SLC15A3: variants seen among roughly 807,000 people sequenced by gnomAD.
SLC15A3 encodes the protein osteoclast transporter.
A neutral mutation model predicts 49.2 loss-of-function variants in SLC15A3; 39 were observed. That is an observed-to-expected ratio of 0.79 (90% CI 0.61 to 1.04). The LOEUF (loss-of-function observed/expected upper bound fraction) is 1.04, where lower values mean the gene tolerates loss of function less well. SLC15A3 is among the 50% of genes least tolerant of loss of function. The pLI is 0.00. For synonymous variants in SLC15A3, 339 were observed against 367.0 expected, an observed-to-expected ratio of 0.92 and a Z score of 0.87; for missense variants, 758 against 794.8, an observed-to-expected ratio of 0.95 and a Z score of 0.56.
At chr11:60,941,738 G>A in intron 4 of SLC15A3, 2 of 386,878 alleles carry the variant, frequency 5.2e-6, no homozygotes, top group Non-Finnish European at 9.5e-6. Context: ...ACAAGGAAGA[G>A]TTGAAAAGGG....
intron 4 of SLC15A3, chr11:60,941,612 T>C (rs1208209809): frequency 2.9e-6 from 1 of 348,238 alleles, no homozygotes; most frequent in Admixed American, 4.5e-5. Flanking sequence ...ATTTCTCATA[T>C]ATCTGCCAGC....
rs372702081 is a variant in SLC15A3 at position 60,948,709 on chromosome 11, T to G, written c.559-1888A>C. ...TTTCTGCACTGTCCTAGGGATCAGGTCCCGACTTCATGAGGCCTTGTGGCC... is the reference window on the plus strand; with the variant it reads ...TTTCTGCACTGTCCTAGGGATCAGGGCCCGACTTCATGAGGCCTTGTGGCC... On this transcript the variant is annotated intron_variant, in intron 1 of 7. Coordinates refer to ENST00000227880, the MANE Select transcript of SLC15A3 (RefSeq NM_016582.3). 4.0e-4 allele frequency among the ~76,000 whole-genome samples: 61 copies of G among 152,360 alleles called. 1 individual carries two copies. The South Asian group carries it at 0.011, about 27-fold the overall frequency.
Position 60,951,088 on chromosome 11 carries a change from G to A in SLC15A3, c.464C>T (p.Pro155Leu), listed in dbSNP as rs1467508706. The change falls in exon 1 of 8, where the codon CCC becomes CTC. Residue 155 changes from proline to leucine, a missense_variant. Pro to Leu is a moderately conservative substitution (Grantham distance 98). Coordinates refer to ENST00000227880, the MANE Select transcript of SLC15A3 (RefSeq NM_016582.3). ...SAGCPRSSPS[P>L]YCAPVLYAGL... is the part of the protein sequence containing the mutation. Reference sequence around the variant, plus strand: ...CGCGTAGAGGACGGGCGCGCAGTAGGGGCTGGGCGAGGAGCGCGGGCAGCC... The same window carrying A: ...CGCGTAGAGGACGGGCGCGCAGTAGAGGCTGGGCGAGGAGCGCGGGCAGCC... 1.4e-6 allele frequency: 2 copies of A among 1,481,086 alleles called. No individual in the cohort carries two copies. Among genetic ancestry groups the A allele is most frequent in the Non-Finnish European group, 1.8e-6 (2 of 1,125,524 alleles). 91.7% of individuals were successfully genotyped at this position (1,481,086 alleles called of 1,614,324 possible). A position where few individuals can be genotyped will look rare whatever the true frequency, so the allele number is the denominator to read the frequency against.
intron 7 of SLC15A3, 175 bp from the exon 8 acceptor site, chr11:60,937,548 G>T: frequency 1.2e-6 from 1 of 841,844 alleles, no homozygotes; most frequent in Non-Finnish European, 1.9e-6. Context: ...CTCCAGGGGT[G>T]TCTACAATTC....
At chr11:60,939,784 G>A (rs574399210) in intron 5 of SLC15A3, 146 bp from the exon 6 acceptor site, 9 of 916,374 alleles carry the variant, frequency 9.8e-6, no homozygotes, top group Non-Finnish European at 1.1e-5. Flanking sequence ...GGACTGGGGG[G>A]TGGAGGAGGG....
intron 1 of SLC15A3, among the ~76,000 whole-genome samples, chr11:60,948,464 T>C (rs570103484): frequency 6.6e-6 from 1 of 152,200 alleles, no homozygotes; most frequent in Non-Finnish European, 1.5e-5. Flanking sequence ...AGCAAGTATG[T>C]GAAACACGCA....
rs760235081 is a variant in SLC15A3 at position 60,950,972 on chromosome 11, GGGCAGGCCTCCTGCCACTCACCTGGTC to G, written c.553_558+21del. The G allele has an allele frequency of 2.1e-6, 3 of 1,416,662 alleles. No homozygotes were observed. The highest frequency in any genetic ancestry group is 2.7e-6 in the Non-Finnish European group (3 of 1,092,098). 87.8% of individuals were successfully genotyped at this position (1,416,662 alleles called of 1,614,324 possible). Reference sequence around the variant, plus strand: ...CCTCCACACCCGCCGGAGTATGCCGGGGCAGGCCTCCTGCCACTCACCTGGTCGGCACCGAAGGAGGTGAGGTTGCTC... The same window carrying G: ...CCTCCACACCCGCCGGAGTATGCCGGGGCACCGAAGGAGGTGAGGTTGCTC... On this transcript the variant is annotated splice_donor_variant and splice_donor_5th_base_variant and coding_sequence_variant and intron_variant, in exon 1 of 8. Coordinates refer to ENST00000227880, the MANE Select transcript of SLC15A3 (RefSeq NM_016582.3). LOFTEE classifies it high-confidence loss of function.
At chr11:60,949,548 G>GAAAGAAAGAA (rs1554986468) in intron 1 of SLC15A3, among the ~76,000 whole-genome samples, 55 of 78,480 alleles carry the variant, frequency 7.0e-4, no homozygotes, top group African/African-American at 1.5e-3. Flanking sequence ...AAGAAAGAAA[G>GAAAGAAAGAA]AAAGAAAGAA....
chr11:60,946,055 C>T (rs1229107794), intron 2 of SLC15A3, among the ~76,000 whole-genome samples: 4 of 151,886 alleles, frequency 2.6e-5, no homozygotes, highest in Non-Finnish European at 4.4e-5. Context: ...TGCAGTGGCA[C>T]CATCATGGCT....
chr11:60,944,643 T>C (rs1000073951), intron 2 of SLC15A3, among the ~76,000 whole-genome samples: 1 of 152,116 alleles, frequency 6.6e-6, no homozygotes, highest in South Asian at 2.1e-4. Flanking sequence ...GGAGTCCCAG[T>C]CCAAGCCTGA....
intron 1 of SLC15A3, among the ~76,000 whole-genome samples, chr11:60,949,474 G>T (rs1346137788): frequency 7.4e-6 from 1 of 134,942 alleles, no homozygotes; most frequent in Non-Finnish European, 1.5e-5. Flanking sequence ...GAGAGAGAAA[G>T]AGAAAGAAAG....
intron 6 of SLC15A3, 104 bp downstream of exon 6, chr11:60,939,376 T>C: frequency 2.2e-6 from 3 of 1,376,978 alleles, no homozygotes; most frequent in Non-Finnish European, 3.0e-6. Context: ...CCTTCCTCCA[T>C]GCAGATGGGC....
intron 1 of SLC15A3, among the ~76,000 whole-genome samples, chr11:60,950,503 A>G (rs1856894468): frequency 6.6e-6 from 1 of 152,036 alleles, no homozygotes; most frequent in Non-Finnish European, 1.5e-5. Flanking sequence ...AAAAAGACCA[A>G]CCTGCCTGGC....
Position 60,948,476 on chromosome 11 carries a change from C to A in SLC15A3, c.559-1655G>T, listed in dbSNP as rs567889193. 2.0e-5 allele frequency among the ~76,000 whole-genome samples: 3 copies of A among 152,322 alleles called. No individual in the cohort carries two copies. The South Asian group carries it at 6.2e-4, about 32-fold the overall frequency. The stretch of plus-strand genomic sequence containing the variant: ...ATCAGCAAGTATGTGAAACACGCAG[C>A]TCCTGGGGTATAGCTGTTGCCAGAT... On this transcript the variant is annotated intron_variant, in intron 1 of 7. Transcript: ENST00000227880.
chr11:60,949,989 A>G (rs917353807), intron 1 of SLC15A3, among the ~76,000 whole-genome samples: 1 of 152,242 alleles, frequency 6.6e-6, no homozygotes, highest in Non-Finnish European at 1.5e-5. Context: ...GGGAACAGCT[A>G]TCAAAATATA....
chr11:60,944,393 A>G (rs1040067286), intron 2 of SLC15A3, among the ~76,000 whole-genome samples: 3 of 152,176 alleles, frequency 2.0e-5, no homozygotes, highest in Admixed American at 6.5e-5. Flanking sequence ...GACTGCTGTC[A>G]GCAAAATCGT....
intron 2 of SLC15A3, among the ~76,000 whole-genome samples, chr11:60,944,694 TC>T (rs569054468): frequency 3.3e-5 from 5 of 150,172 alleles, no homozygotes; most frequent in African/African-American, 7.4e-5. Flanking sequence ...ACACCAAAAT[TC>T]CCCCCCCTTG....
Position 60,943,783 on chromosome 11 carries a change from GC to G in SLC15A3, c.901del (p.Ala301LeufsTer14). Reference sequence around the variant, plus strand: ...GTTGGCGATGTCCTCTTGCGGGGAAGCCCCTGGCTGGGGAGACCTCTCGTCG... The same window carrying G: ...GTTGGCGATGTCCTCTTGCGGGGAAGCCCTGGCTGGGGAGACCTCTCGTCG... ...LADERSPQPGASPQEDIANFQ... is the reference protein window; with the variant it reads ...LADERSPQPGXSPQEDIANFQ... On this transcript the variant is annotated frameshift_variant, in exon 3 of 8. Coordinates refer to ENST00000227880, the MANE Select transcript of SLC15A3 (RefSeq NM_016582.3). LOFTEE classifies it high-confidence loss of function. 6.2e-7 allele frequency: 1 copy of G among 1,603,286 alleles called. No individual in the cohort carries two copies. Among genetic ancestry groups the G allele is most frequent in the Non-Finnish European group, 8.5e-7 (1 of 1,174,500 alleles).
Position 60,946,727 on chromosome 11 carries a change from G to C in SLC15A3, c.653C>G (p.Ala218Gly), listed in dbSNP as rs771325349. ...LGAVLSLLVV[A>G]FIQQNISFLL... ...GAAGCTGATGTTCTGCTGAATAAAC[G>C]CCACCACCAGCAGCGACAGCACAGC... The change falls in exon 2 of 8, where the codon GCG becomes GGG. Residue 218 changes from alanine (A) to glycine (G), a missense_variant. Ala to Gly is a moderately conservative substitution (Grantham distance 60). Around this residue, in one of 3 missense-constraint regions of SLC15A3, gnomAD observed 699 missense variants for 706.7 expected, o/e 0.99. Transcript: ENST00000227880. The C allele has an allele frequency of 6.2e-7, 1 of 1,614,082 alleles. No homozygotes were observed. The highest frequency in any genetic ancestry group is 1.7e-4 in the Middle Eastern group (1 of 6,060).
Sources: gnomAD v4.1 joint callset for allele counts (sites outside exome capture counted in the v4.1 genomes callset) on GRCh38, gnomAD v4.1.1 for gene constraint, gnomAD v4.1.1 regional missense constraint, MANE v1.5 for transcripts, NCBI Gene and HGNC (gene_info 2026-07-23, HGNC 2026-07-21) for gene names.